The following CCDC190 variants were observed in gnomAD, a reference collection of about 807,000 sequenced individuals.
CCDC190 encodes coiled-coil domain containing 190.
CCDC190 carries 10 observed loss-of-function variants against 13.1 expected under a neutral mutation model. The observed-to-expected ratio is 0.77, with a 90% CI of 0.47 to 1.30. CCDC190 has a LOEUF of 1.30. Among genes scored for constraint, CCDC190 ranks in the 50% most tolerant of loss-of-function variants. CCDC190 has a pLI of 0.00. For synonymous variants in CCDC190, 136 were observed against 127.2 expected, an observed-to-expected ratio of 1.07 and a Z score of -0.47; for missense variants, 375 against 354.3, an observed-to-expected ratio of 1.06 and a Z score of -0.47.
In CCDC190 at chr1:162,854,582, T is replaced by G. The variant is rs1352264703; in HGVS notation, c.*183A>C. On this transcript the variant is annotated 3_prime_UTR_variant, in exon 4 of 4. Transcript: ENST00000367912. ...AGAAGATTCATTCTTCCTCTCCTTTTTCATATATTAGCATTGTTCATTCAA... is the reference window on the plus strand; with the variant it reads ...AGAAGATTCATTCTTCCTCTCCTTTGTCATATATTAGCATTGTTCATTCAA... 1 of 1,370,316 alleles carries G rather than the reference T, an allele frequency of 7.3e-7. No homozygotes were observed. The highest frequency in any genetic ancestry group is 9.4e-7 in the Non-Finnish European group (1 of 1,064,282). The allele number at this position is 1,370,316 out of a possible 1,614,324, so 84.9% of individuals were successfully genotyped here. A position where few individuals can be genotyped will look rare whatever the true frequency, so the allele number is the denominator to read the frequency against.
In CCDC190 at chr1:162,859,519, A is replaced by T; in HGVS notation, c.128T>A (p.Val43Glu). 1 of 1,613,814 alleles carries T rather than the reference A, an allele frequency of 6.2e-7. No homozygotes were observed. The highest frequency in any genetic ancestry group is 8.5e-7 in the Non-Finnish European group (1 of 1,179,822). The change falls in exon 2 of 4, where the codon GTG becomes GAG. Residue 43 changes from valine to glutamate, a missense_variant. Val to Glu is a moderately radical substitution (Grantham distance 121). Coordinates refer to ENST00000367912, the MANE Select transcript of CCDC190 (RefSeq NM_001394065.1). The stretch of plus-strand genomic sequence containing the variant: ...CCTCTGCTCCCAGGTCAGCAATTTC[A>T]CATGGTAGAGGCAAATAACCTTTAG... Reference protein sequence around the residue: ...QRLKVICLYHVKLLTWEQRQL... With the variant: ...QRLKVICLYHEKLLTWEQRQL...
In CCDC190 at chr1:162,852,955, G is replaced by T. The variant is rs1263688795; in HGVS notation, c.*1810C>A. 1.6e-6 allele frequency: 1 copy of T among 635,284 alleles called. No homozygotes were observed. Among genetic ancestry groups the T allele is most frequent in the Non-Finnish European group, 2.8e-6 (1 of 354,506 alleles). The allele number at this position is 635,284 out of a possible 1,614,324, so 39.4% of individuals were successfully genotyped here. On this transcript the variant is annotated 3_prime_UTR_variant, in exon 4 of 4. Coordinates refer to ENST00000367912, the MANE Select transcript of CCDC190 (RefSeq NM_001394065.1). ...AAGAGCTTGCGCAGTTTACAAAGGG[G>T]TTCTCTAATTGTTGTATGCCTATTC...
upstream of CCDC190, among the ~76,000 whole-genome samples, chr1:162,865,758 A>G (rs1362648911): frequency 6.6e-6 from 1 of 152,208 alleles, no homozygotes; most frequent in African/African-American, 2.4e-5. Flanking sequence ...AAATATCTTC[A>G]ACCTGATAAT....
chr1:162,861,156 G>A lies in CCDC190; in HGVS notation c.-161C>T, dbSNP rs934941595. 6 of 281,444 alleles carry A rather than the reference G, an allele frequency of 2.1e-5. No homozygotes were observed. The highest frequency in any genetic ancestry group is 1.4e-4 in the African/African-American group (6 of 43,632). 17.4% of individuals were successfully genotyped at this position (281,444 alleles called of 1,614,324 possible). A position where few individuals can be genotyped will look rare whatever the true frequency, so the allele number is the denominator to read the frequency against. On this transcript the variant is annotated 5_prime_UTR_variant, in exon 1 of 4. Transcript: ENST00000367912. ...TAGAGGGAGACCATTGGAGAGGGCTGCGAGGAGAATGTTAAATACACTTGA... is the reference window on the plus strand; with the variant it reads ...TAGAGGGAGACCATTGGAGAGGGCTACGAGGAGAATGTTAAATACACTTGA...
At chr1:162,860,314 C>G (rs540852306) in intron 1 of CCDC190, among the ~76,000 whole-genome samples, 1 of 152,284 alleles carries the variant, frequency 6.6e-6, no homozygotes, top group South Asian at 2.1e-4. Context: ...CTGGGCAACA[C>G]TGGGGAAGCT....
At chr1:162,862,883 T>A (rs748100819), upstream of CCDC190, among the ~76,000 whole-genome samples, 1 of 151,914 alleles carries the variant, frequency 6.6e-6, no homozygotes, top group African/African-American at 2.4e-5. Flanking sequence ...TCCTTTCCCA[T>A]CTCCAAACTT....
In CCDC190 at chr1:162,853,163, T is replaced by G; in HGVS notation, c.*1602A>C. On this transcript the variant is annotated 3_prime_UTR_variant, in exon 4 of 4. Coordinates refer to ENST00000367912, the MANE Select transcript of CCDC190 (RefSeq NM_001394065.1). ...CCCCATTGAAGGCCAGAGGCTGGGC[T>G]GATGAAACTGACTCTCAAATGTTTG... 6.5e-7 allele frequency: 1 copy of G among 1,541,668 alleles called. No individual in the cohort carries two copies.
intron 1 of CCDC190, among the ~76,000 whole-genome samples, chr1:162,868,036 C>G (rs1322347102): frequency 6.6e-6 from 1 of 152,106 alleles, no homozygotes. Context: ...AGGACTTAAA[C>G]TGTGAATTTT....
chr1:162,856,821 C>A (rs1650318592), intron 2 of CCDC190, among the ~76,000 whole-genome samples: 1 of 152,070 alleles, frequency 6.6e-6, no homozygotes, highest in African/African-American at 2.4e-5. Flanking sequence ...TCTTTGTGAG[C>A]CTTTCTTCCT....
intron 1 of CCDC190, among the ~76,000 whole-genome samples, chr1:162,860,095 C>A (rs566420168): frequency 1.3e-5 from 2 of 152,150 alleles, no homozygotes; most frequent in African/African-American, 2.4e-5. Context: ...ACTTAGGACA[C>A]GGCCATTCCT....
chr1:162,856,074 T>G (rs1456447228), intron 2 of CCDC190: 2 of 182,932 alleles, frequency 1.1e-5, no homozygotes, highest in East Asian at 2.7e-4. Flanking sequence ...GGAACCAGCA[T>G]GTTTGACATA....
intron 1 of CCDC190, among the ~76,000 whole-genome samples, chr1:162,860,168 T>G (rs1420101722): frequency 1.3e-5 from 2 of 152,178 alleles, no homozygotes; most frequent in South Asian, 4.1e-4. Context: ...GTAATCCTAC[T>G]GTATGCCAGG....
chr1:162,856,221 C>T (rs1045190988), intron 2 of CCDC190, among the ~76,000 whole-genome samples: 2 of 152,108 alleles, frequency 1.3e-5, no homozygotes, highest in African/African-American at 4.8e-5. Context: ...GCAAACTGGG[C>T]TTTCAGAGAA....
At chr1:162,868,100 A>G (rs1423817861) in intron 1 of CCDC190, among the ~76,000 whole-genome samples, 1 of 152,224 alleles carries the variant, frequency 6.6e-6, no homozygotes, top group Non-Finnish European at 1.5e-5. Flanking sequence ...ACTTAATATC[A>G]TAGTAAAAGA....
rs1249175069 is a variant in CCDC190, at chr1:162,852,381, G to A, written c.*2384C>T. 1.3e-5 allele frequency: 2 copies of A among 152,222 alleles called. No homozygotes were observed. The highest frequency in any genetic ancestry group is 2.1e-4 in the South Asian group (1 of 4,828). 9.4% of individuals were successfully genotyped at this position (152,222 alleles called of 1,614,324 possible). A position where few individuals can be genotyped will look rare whatever the true frequency, so the allele number is the denominator to read the frequency against. ...CCTAGAGCACCGTGTGCCACGTCAG[G>A]ATTAAGGATTTAAACTGTTTAGAAT... On this transcript the variant is annotated 3_prime_UTR_variant, in exon 4 of 4. Coordinates refer to ENST00000367912, the MANE Select transcript of CCDC190 (RefSeq NM_001394065.1).
At chr1:162,859,737 G>A (rs1650432237) in intron 1 of CCDC190, 79 bp from the exon 2 acceptor site, 2 of 1,185,374 alleles carry the variant, frequency 1.7e-6, no homozygotes, top group Non-Finnish European at 2.3e-6. Context: ...TCAGAGATCA[G>A]TGGTAGAACC....
chr1:162,861,742 G>T (rs1485472673), upstream of CCDC190, among the ~76,000 whole-genome samples: 6 of 152,130 alleles, frequency 3.9e-5, no homozygotes, highest in Non-Finnish European at 8.8e-5. Context: ...ACCGTAGAAG[G>T]TTGAGCAGAG....
chr1:162,855,732 A>C lies in CCDC190; in HGVS notation c.211T>G (p.Ser71Ala). Reference protein sequence around the residue: ...QQETMKKKFSSYLGNGFQKRP... With the variant: ...QQETMKKKFSAYLGNGFQKRP... Reference sequence around the variant, plus strand: ...TTCTGAAATCCATTCCCCAAATAAGAGGAGAACTTTTTCTTCATGGTTTCT... The same window carrying C: ...TTCTGAAATCCATTCCCCAAATAAGCGGAGAACTTTTTCTTCATGGTTTCT... Residue 71 changes from serine (S) to alanine (A), a missense_variant, in exon 3 of 4, where the codon TCT becomes GCT. By Grantham distance (99) the Ser-to-Ala change is moderately conservative. Coordinates refer to ENST00000367912, the MANE Select transcript of CCDC190 (RefSeq NM_001394065.1). 5 of 1,608,572 alleles carry C rather than the reference A, an allele frequency of 3.1e-6. No individual in the cohort carries two copies. The highest frequency in any genetic ancestry group is 4.2e-6 in the Non-Finnish European group (5 of 1,176,644).
chr1:162,855,557 G>A (rs2102258918), intron 3 of CCDC190, 75 bp downstream of exon 3: 1 of 1,576,402 alleles, frequency 6.3e-7, no homozygotes, highest in Non-Finnish European at 8.6e-7. Flanking sequence ...ATTTCTTCAG[G>A]AAAACAGTTT....
Sources: allele counts gnomAD v4.1 joint callset (sites outside exome capture counted in the v4.1 genomes callset), GRCh38; gene constraint gnomAD v4.1.1; transcripts MANE v1.5; gene names NCBI Gene and HGNC (gene_info 2026-07-23, HGNC 2026-07-21).